THSD4: variants seen among roughly 807,000 people sequenced by gnomAD.
THSD4 encodes thrombospondin type-1 domain-containing protein 4.
Under a neutral mutation model 119.0 loss-of-function variants are expected in THSD4, and 69 were observed. The ratio of observed to expected loss-of-function variants is 0.58; its 90% confidence interval spans 0.48 to 0.71. The LOEUF (loss-of-function observed/expected upper bound fraction) is 0.71, where lower values mean the gene tolerates loss of function less well. Ranked by LOEUF, THSD4 falls within the 30% of genes least tolerant of loss-of-function variation. THSD4 has a pLI of 0.00. For missense variants in THSD4, 1,393 were observed against 1,391.1 expected (o/e 1.00, Z -0.02); for synonymous variants, 524 against 540.4 (o/e 0.97, Z 0.42).
chr15:71,742,109 G>A (rs1248113439), intron 11 of THSD4, among the ~76,000 whole-genome samples: 3 of 152,222 alleles, frequency 2.0e-5, no homozygotes, highest in Non-Finnish European at 2.9e-5. Context: ...GAATAAGTCT[G>A]TTCCCCTTGT....
chr15:71,661,255 T>C (rs1341676701), intron 8 of THSD4, among the ~76,000 whole-genome samples: 2 of 152,224 alleles, frequency 1.3e-5, no homozygotes, highest in Non-Finnish European at 2.9e-5. Context: ...GCAATCATTT[T>C]GGGCAACATC....
chr15:71,471,951 G>C (rs2047586815), intron 7 of THSD4, among the ~76,000 whole-genome samples: 3 of 152,058 alleles, frequency 2.0e-5, no homozygotes, highest in African/African-American at 7.3e-5. Flanking sequence ...ATCTTGCTCT[G>C]TCACCCAGGC....
intron 1 of THSD4, among the ~76,000 whole-genome samples, chr15:71,124,966 G>A (rs2040440710): frequency 6.6e-6 from 1 of 152,112 alleles, no homozygotes; most frequent in African/African-American, 2.4e-5. Context: ...CTACATATAT[G>A]GGAGGCTAAA....
chr15:71,235,108 C>A (rs190005116), intron 4 of THSD4, among the ~76,000 whole-genome samples: 2 of 152,330 alleles, frequency 1.3e-5, no homozygotes, highest in East Asian at 3.9e-4. Context: ...TGAATTACAT[C>A]TCCCTCCTCC....
At chr15:71,524,763 AT>A (rs35666244) in intron 7 of THSD4, among the ~76,000 whole-genome samples, 29,051 of 115,540 alleles carry the variant, frequency 0.25, 3,160 homozygotes, top group African/African-American at 0.38. Flanking sequence ...CGCCCGGCTA[AT>A]TTTTTTTTTT....
At position 71,779,697 on chromosome 15, in the gene THSD4, C is replaced by T. The variant is rs73432466; in HGVS notation, c.*2323C>T. ...CTTTGTCTCTTTATGTCTAAAGTGC[C>T]CTATGGCTGCTGAAGGTTACCTAAC... On this transcript the variant is annotated 3_prime_UTR_variant, in exon 18 of 18. Coordinates refer to ENST00000261862, the MANE Select transcript of THSD4 (RefSeq NM_024817.3). 96 of 152,212 alleles carry T rather than the reference C, an allele frequency of 6.3e-4. No homozygotes were observed. Among genetic ancestry groups the T allele is most frequent in the African/African-American group, 2.2e-3 (90 of 41,536 alleles). 9.4% of individuals were successfully genotyped at this position (152,212 alleles called of 1,614,324 possible). A position where few individuals can be genotyped will look rare whatever the true frequency, so the allele number is the denominator to read the frequency against.
At chr15:71,181,295 T>C (rs1316072349) in intron 3 of THSD4, among the ~76,000 whole-genome samples, 2 of 152,242 alleles carry the variant, frequency 1.3e-5, no homozygotes, top group East Asian at 3.8e-4. Flanking sequence ...GAAAAGAATT[T>C]CAGTGTTCAC....
At chr15:71,459,791 C>G (rs904982945) in intron 7 of THSD4, among the ~76,000 whole-genome samples, 4 of 152,104 alleles carry the variant, frequency 2.6e-5, no homozygotes, top group African/African-American at 9.7e-5. Flanking sequence ...TCATTGTGTG[C>G]TGCTTTGAAC....
intron 8 of THSD4, among the ~76,000 whole-genome samples, chr15:71,720,205 C>T (rs1397266656): frequency 2.6e-5 from 4 of 151,674 alleles, no homozygotes; most frequent in Non-Finnish European, 2.9e-5. Context: ...TGTATACCAC[C>T]ACTCCTGGCT....
chr15:71,738,921 G>C (rs538932790), intron 11 of THSD4, among the ~76,000 whole-genome samples: 1 of 152,234 alleles, frequency 6.6e-6, no homozygotes, highest in South Asian at 2.1e-4. Flanking sequence ...AGCTGGTCAA[G>C]GGCCTGTCTT....
chr15:71,140,168 A>G (rs599265), intron 1 of THSD4, among the ~76,000 whole-genome samples: 18,030 of 152,206 alleles, frequency 0.12, 2,107 homozygotes, highest in African/African-American at 0.31. Context: ...TTGCATTGCT[A>G]TAAAGGAATG....
chr15:71,512,377 A>C (rs78767136), intron 7 of THSD4, among the ~76,000 whole-genome samples: 17,192 of 152,204 alleles, frequency 0.11, 1,197 homozygotes, highest in African/African-American at 0.19. Context: ...CTGCATTGCA[A>C]AGGTTGAACC....
At chr15:71,195,406 G>C (rs2043710801) in intron 3 of THSD4, among the ~76,000 whole-genome samples, 1 of 152,224 alleles carries the variant, frequency 6.6e-6, no homozygotes, top group Admixed American at 6.5e-5. Context: ...ATGGAGCCAG[G>C]GAGGAAGGAC....
intron 7 of THSD4, among the ~76,000 whole-genome samples, chr15:71,486,601 T>A (rs2047822445): frequency 7.7e-6 from 1 of 129,572 alleles, no homozygotes; most frequent in South Asian, 2.9e-4. Flanking sequence ...TAATGCCAAG[T>A]TTCTTTTCTG....
intron 7 of THSD4, among the ~76,000 whole-genome samples, chr15:71,641,434 ACT>A (rs1429364696): frequency 6.6e-6 from 1 of 151,962 alleles, no homozygotes; most frequent in East Asian, 1.9e-4. Flanking sequence ...AACAACAATC[ACT>A]GAGTCTCATT....
chr15:71,600,780 C>T (rs188507796), intron 7 of THSD4, among the ~76,000 whole-genome samples: 2 of 147,840 alleles, frequency 1.4e-5, no homozygotes, highest in East Asian at 2.0e-4. Flanking sequence ...CTTGCTCTGT[C>T]GCCTAGGCTG....
At chr15:71,352,238 C>T (rs1344289655) in intron 6 of THSD4, among the ~76,000 whole-genome samples, 3 of 152,174 alleles carry the variant, frequency 2.0e-5, no homozygotes, top group Non-Finnish European at 4.4e-5. Context: ...CTTCCAGGAC[C>T]GTCACTTCTG....
chr15:71,685,630 A>G (rs2051892219), intron 8 of THSD4, among the ~76,000 whole-genome samples: 1 of 152,194 alleles, frequency 6.6e-6, no homozygotes, highest in African/African-American at 2.4e-5. Flanking sequence ...TGGCTAAAGT[A>G]TATGAAGAAA....
intron 7 of THSD4, among the ~76,000 whole-genome samples, chr15:71,514,027 G>T (rs2048319829): frequency 6.6e-6 from 1 of 152,154 alleles, no homozygotes; most frequent in African/African-American, 2.4e-5. Flanking sequence ...TGACTTACTT[G>T]TTTACTTGCT....
Sources: gnomAD v4.1 joint callset for allele counts (sites outside exome capture counted in the v4.1 genomes callset) on GRCh38, gnomAD v4.1.1 for gene constraint, MANE v1.5 for transcripts, NCBI Gene and HGNC (gene_info 2026-07-23, HGNC 2026-07-21) for gene names.